The following BBS7 variants were observed in gnomAD, a reference collection of about 807,000 sequenced individuals.
BBS7 encodes BBSome complex member BBS7.
Under a neutral mutation model 90.3 loss-of-function variants are expected in BBS7, and 50 were observed. That is an observed-to-expected ratio of 0.55 (90% CI 0.44 to 0.70). BBS7 has a LOEUF of 0.70. BBS7 is among the 30% of genes least tolerant of loss of function. The pLI is 0.00. For missense variants in BBS7, 729 were observed against 838.9 expected (o/e 0.87, Z 1.62); for synonymous variants, 235 against 287.4 (o/e 0.82, Z 1.85).
chr4:121,856,095 C>A (rs1006117471), intron 5 of BBS7, among the ~76,000 whole-genome samples: 1 of 152,082 alleles, frequency 6.6e-6, no homozygotes, highest in Non-Finnish European at 1.5e-5. Flanking sequence ...TCTCTAGGAA[C>A]AAATTATTCC....
At chr4:121,835,437 T>G (rs1369702199) in intron 13 of BBS7, among the ~76,000 whole-genome samples, 154 bp from the exon 14 acceptor site, 3 of 152,238 alleles carry the variant, frequency 2.0e-5, no homozygotes, top group African/African-American at 7.2e-5. Context: ...TTCTTTCTCC[T>G]GTCCCACTCT....
intron 5 of BBS7, among the ~76,000 whole-genome samples, chr4:121,856,858 C>T (rs1054328655): frequency 6.6e-6 from 1 of 151,996 alleles, no homozygotes; most frequent in African/African-American, 2.4e-5. Context: ...CAACCTCCAC[C>T]TTCCGGGTTT....
At chr4:121,832,055 C>A (rs1421218663) in intron 15 of BBS7, among the ~76,000 whole-genome samples, 1 of 138,934 alleles carries the variant, frequency 7.2e-6, no homozygotes, top group Non-Finnish European at 1.5e-5. Context: ...AAACAAACAA[C>A]CTACAGGCCA....
At chr4:121,849,690 C>T (rs1221840473) in intron 8 of BBS7, among the ~76,000 whole-genome samples, 2 of 151,952 alleles carry the variant, frequency 1.3e-5, no homozygotes, top group African/African-American at 2.4e-5. Flanking sequence ...ATTAGCCGGG[C>T]GTGGTGGCGC....
intron 13 of BBS7, among the ~76,000 whole-genome samples, chr4:121,835,651 A>G (rs1179947165): frequency 2.0e-5 from 3 of 152,216 alleles, no homozygotes; most frequent in Non-Finnish European, 4.4e-5. Context: ...GAAGAGGATA[A>G]GAAAAGATAA....
chr4:121,839,578 C>A, intron 13 of BBS7, 53 bp downstream of exon 13: 1 of 1,372,100 alleles, frequency 7.3e-7, no homozygotes, highest in South Asian at 1.2e-5. Context: ...GACATACCAG[C>A]AGGAAAAAGG....
rs200626475 is a variant in BBS7 at position 121,845,675 on chromosome 4, C to T, written c.1059G>A (p.Gln353=). 1.2e-6 allele frequency: 2 copies of T among 1,612,966 alleles called. No homozygotes were observed. The highest frequency in any genetic ancestry group is 1.7e-6 in the Non-Finnish European group (2 of 1,179,310). ...TCTCTCTTTCCTGCAATACCTTATA[C>T]TGCAAATGTTCCAACTCATTCCTGG... is the stretch of plus-strand genomic sequence containing the variant. The part of the protein sequence containing the change: ...SSLRNELEHL[Q]YKVLQERENY... The change falls in exon 11 of 19, where the codon CAG becomes CAA. Residue 353 remains glutamine, a synonymous_variant. Transcript: ENST00000264499.
chr4:121,827,681 G>C (rs1468204974), intron 18 of BBS7: 1 of 665,866 alleles, frequency 1.5e-6, no homozygotes, highest in Non-Finnish European at 1.9e-6. Flanking sequence ...GAAACATTCA[G>C]CTTCTCACCA....
chr4:121,865,635 T>A (rs552263284), intron 2 of BBS7, among the ~76,000 whole-genome samples: 3 of 152,336 alleles, frequency 2.0e-5, no homozygotes, highest in South Asian at 2.1e-4. Context: ...CCAGGCTGAT[T>A]CCATATCTTG....
intron 12 of BBS7, among the ~76,000 whole-genome samples, chr4:121,842,939 G>C (rs1283299812): frequency 6.6e-6 from 1 of 152,212 alleles, no homozygotes; most frequent in Non-Finnish European, 1.5e-5. Context: ...TGCACGTTAA[G>C]TGCTCAATAA....
Position 121,869,530 on chromosome 4 carries a change from C to T in BBS7, c.36+748G>A, listed in dbSNP as rs139347718. 5.5e-4 allele frequency among the ~76,000 whole-genome samples: 84 copies of T among 152,218 alleles called. 1 individual carries two copies. Among genetic ancestry groups the T allele is most frequent in the African/African-American group, 2.0e-3 (83 of 41,536 alleles). Reference sequence around the variant, plus strand: ...TAGAATAAGCTAGATGCACATTAAACTGTTGTCATTGCTTTTTTTCCCCCT... The same window carrying T: ...TAGAATAAGCTAGATGCACATTAAATTGTTGTCATTGCTTTTTTTCCCCCT... On this transcript the variant is annotated intron_variant, in intron 1 of 18. Coordinates refer to ENST00000264499, the MANE Select transcript of BBS7 (RefSeq NM_176824.3).
At chr4:121,856,279 C>T (rs1170420067) in intron 5 of BBS7, among the ~76,000 whole-genome samples, 1 of 152,116 alleles carries the variant, frequency 6.6e-6, no homozygotes, top group Non-Finnish European at 1.5e-5. Context: ...CAAGTTAGGT[C>T]CTTATATATT....
At chr4:121,859,235 A>G (rs992444966) in intron 4 of BBS7, 57 bp from the exon 5 acceptor site, 35 of 1,484,812 alleles carry the variant, frequency 2.4e-5, no homozygotes, top group Non-Finnish European at 3.2e-5. Flanking sequence ...AATTTTTTTC[A>G]GAGATAAAAA....
At chr4:121,829,938 T>A (rs1725101316) in intron 15 of BBS7, among the ~76,000 whole-genome samples, 2 of 152,354 alleles carry the variant, frequency 1.3e-5, no homozygotes, top group Middle Eastern at 3.4e-3. Context: ...TTTTAAGTTA[T>A]GTGAGCCGAT....
intron 4 of BBS7, 47 bp downstream of exon 4, chr4:121,861,457 T>C: frequency 6.4e-7 from 1 of 1,564,420 alleles, no homozygotes; most frequent in Non-Finnish European, 8.7e-7. Context: ...CTATCCAAAA[T>C]ATTATAAATA....
At chr4:121,845,089 C>T (rs1725933059) in intron 11 of BBS7, among the ~76,000 whole-genome samples, 1 of 152,126 alleles carries the variant, frequency 6.6e-6, no homozygotes, top group Non-Finnish European at 1.5e-5. Flanking sequence ...CTGTCTATGA[C>T]TGGGTGGGGT....
rs780606095 is a variant in BBS7, at chr4:121,828,698, G to A, written c.1707C>T (p.Asn569=). ...CTTTTAGGATGGAGATAGTAGAAAT[G>A]TTGTCAGATTTAAAAACTCCCTCTC... ...RKGEGVFKSD[N]ISTISILKDV... is the part of the protein sequence containing the mutation. Residue 569 remains asparagine, a synonymous_variant, in exon 16 of 19, where the codon AAC becomes AAT. Coordinates refer to ENST00000264499, the MANE Select transcript of BBS7 (RefSeq NM_176824.3). 4 of 1,604,536 alleles carry A rather than the reference G, an allele frequency of 2.5e-6. No individual in the cohort carries two copies. Among genetic ancestry groups the A allele is most frequent in the Middle Eastern group, 1.9e-4 (1 of 5,180 alleles).
intron 18 of BBS7, 90 bp downstream of exon 18, chr4:121,828,056 T>A (rs1724989034): frequency 6.3e-7 from 1 of 1,576,934 alleles, no homozygotes; most frequent in East Asian, 2.2e-5. Context: ...GTAATCTTTT[T>A]ATCTTTCTGC....
Position 121,870,421 on chromosome 4 carries a change from A to C in BBS7, c.-108T>G. The C allele has an allele frequency of 7.7e-7, 1 of 1,290,922 alleles. No individual in the cohort carries two copies. The highest frequency in any genetic ancestry group is 1.1e-6 in the Non-Finnish European group (1 of 899,444). The allele number at this position is 1,290,922 out of a possible 1,614,324, so 80.0% of individuals were successfully genotyped here. ...CAGAAGGCTGCCCGCGCCCCTCAAA[A>C]GCCAGCCCCAGCTACCGCGCCTAGG... On this transcript the variant is annotated 5_prime_UTR_variant, in exon 1 of 19. Transcript: ENST00000264499.
Sources: gnomAD v4.1 joint callset for allele counts (sites outside exome capture counted in the v4.1 genomes callset) on GRCh38, gnomAD v4.1.1 for gene constraint, MANE v1.5 for transcripts, NCBI Gene and HGNC (gene_info 2026-07-23, HGNC 2026-07-21) for gene names.